The following MKLN1 variants were observed in gnomAD, a reference collection of about 807,000 sequenced individuals.
The protein encoded by MKLN1 is muskelin 1, also known as muskelin.
A neutral mutation model predicts 99.0 loss-of-function variants in MKLN1; 18 were observed. The ratio of observed to expected loss-of-function variants is 0.18; its 90% CI spans 0.13 to 0.27. The LOEUF is 0.27. Among genes scored for constraint, MKLN1 ranks in the 10% least tolerant of loss-of-function variants. The probability of loss-of-function intolerance (pLI) is 1.00; values close to 1 mark genes in which losing one functional copy is unlikely to be tolerated. For missense variants in MKLN1, 621 were observed against 875.9 expected (o/e 0.71, Z 3.67); for synonymous variants, 288 against 293.2 (o/e 0.98, Z 0.18).
At chr7:131,193,280 ATTAT>A (rs1308130744) in intron 2 of MKLN1, among the ~76,000 whole-genome samples, 1 of 152,190 alleles carries the variant, frequency 6.6e-6, no homozygotes, top group Non-Finnish European at 1.5e-5. Context: ...TTGTTGAGCA[ATTAT>A]TTATCTAGGA....
intron 3 of MKLN1, among the ~76,000 whole-genome samples, chr7:131,300,134 G>A (rs1433914172): frequency 6.6e-6 from 1 of 152,040 alleles, no homozygotes; most frequent in Non-Finnish European, 1.5e-5. Flanking sequence ...GAGAAGAGAG[G>A]TGTGTAATTG....
At chr7:131,251,481 G>A (rs1348140962) in intron 3 of MKLN1, among the ~76,000 whole-genome samples, 1 of 152,076 alleles carries the variant, frequency 6.6e-6, no homozygotes, top group Non-Finnish European at 1.5e-5. Flanking sequence ...TTTAACCATT[G>A]TAATGACTGT....
At chr7:131,168,166 C>T (rs1337180099) in intron 2 of MKLN1, among the ~76,000 whole-genome samples, 1 of 152,210 alleles carries the variant, frequency 6.6e-6, no homozygotes, top group African/African-American at 2.4e-5. Context: ...TAACTCACCA[C>T]CATCTAGATG....
At chr7:131,481,323 A>G (rs1015863944) in intron 17 of MKLN1, among the ~76,000 whole-genome samples, 1 of 152,228 alleles carries the variant, frequency 6.6e-6, no homozygotes, top group Non-Finnish European at 1.5e-5. Context: ...TGAGAGAATT[A>G]AATGAAATAA....
intron 3 of MKLN1, among the ~76,000 whole-genome samples, chr7:131,274,687 T>G (rs1797934829): frequency 6.7e-6 from 1 of 148,166 alleles, no homozygotes; most frequent in Admixed American, 6.8e-5. Flanking sequence ...GATTGCTGCC[T>G]CAGTCCCTGA....
intron 1 of MKLN1, among the ~76,000 whole-genome samples, chr7:131,113,289 T>C (rs1795224400): frequency 6.6e-6 from 1 of 152,148 alleles, no homozygotes; most frequent in Admixed American, 6.6e-5. Flanking sequence ...AAGTACTATG[T>C]GTAAAGACCT....
chr7:131,219,666 C>T (rs551698455), intron 3 of MKLN1, among the ~76,000 whole-genome samples: 8 of 151,928 alleles, frequency 5.3e-5, no homozygotes, highest in Non-Finnish European at 1.0e-4. Flanking sequence ...AAATGGCTGT[C>T]GGGCCCTGGG....
At chr7:131,346,147 G>A (rs1405083123) in intron 1 of MKLN1, among the ~76,000 whole-genome samples, 1 of 152,254 alleles carries the variant, frequency 6.6e-6, no homozygotes, top group East Asian at 1.9e-4. Flanking sequence ...ATAAGAAGAG[G>A]CTGTTCACTT....
At chr7:131,419,747 G>C (rs541235948) in intron 8 of MKLN1, among the ~76,000 whole-genome samples, 17 of 152,220 alleles carry the variant, frequency 1.1e-4, no homozygotes, top group African/African-American at 4.1e-4. Flanking sequence ...AGAGGTATGT[G>C]AGAAAGAGAG....
chr7:131,437,830 C>A lies in MKLN1; in HGVS notation c.1006C>A (p.Gln336Lys), dbSNP rs1795718605. The A allele has an allele frequency of 2.5e-6, 4 of 1,612,202 alleles. No homozygotes were observed. The highest frequency in any genetic ancestry group is 3.4e-6 in the Non-Finnish European group (4 of 1,179,460). Residue 336 changes from glutamine (Q) to lysine (K), a missense_variant, in exon 10 of 18, where the codon CAA becomes AAA. Gln to Lys is a moderately conservative substitution (Grantham distance 53). Around this residue, in one of 8 missense-constraint regions of MKLN1, gnomAD observed 361 missense variants for 540.8 expected, o/e 0.67. Transcript: ENST00000352689. ...GTGTCATAAAATGTGCATTGATATT[C>A]AACGGAGGCAAATCTACACATTGGG... ...RSCHKMCIDI[Q>K]RRQIYTLGRY...
intron 3 of MKLN1, among the ~76,000 whole-genome samples, chr7:131,275,908 C>T (rs986207456): frequency 6.6e-6 from 1 of 152,102 alleles, no homozygotes; most frequent in African/African-American, 2.4e-5. Flanking sequence ...AGCGTTTGAC[C>T]AAGGCAGGCC....
chr7:131,487,455 G>A lies in MKLN1; in HGVS notation c.2087-152G>A. The A allele has an allele frequency of 1.4e-6, 1 of 725,134 alleles. No homozygotes were observed. The highest frequency in any genetic ancestry group is 2.1e-6 in the Non-Finnish European group (1 of 467,060). The allele number at this position is 725,134 out of a possible 1,614,324, so 44.9% of individuals were successfully genotyped here. On this transcript the variant is annotated intron_variant, in intron 17 of 17. Transcript: ENST00000352689. This position sits in a 1 kb window ranked among gnomAD's most constrained non-coding sequence, Gnocchi z 4.7. ...TTATCTAAGATCACACCACAGCCAG[G>A]TAGTAGAACTGGGGTCAGATCAGTA... is the stretch of plus-strand genomic sequence containing the variant.
At chr7:131,200,413 A>T (rs1046304917) in intron 2 of MKLN1, among the ~76,000 whole-genome samples, 20 of 152,228 alleles carry the variant, frequency 1.3e-4, no homozygotes, top group Non-Finnish European at 2.8e-4. Context: ...AATCAAGAAC[A>T]TTACCTGTGT....
rs1014952862 is a variant in MKLN1, at chr7:131,240,230, C to G, written c.-179+37256C>G. ...GACTATTATAAGTAAAGTTCCCCCC[C>G]GCCAGGGACCTGCCACTTCAGAATA... On this transcript the variant is annotated intron_variant, in intron 3 of 7. Transcript: ENST00000416992. 2.6e-5 allele frequency among the ~76,000 whole-genome samples: 4 copies of G among 152,014 alleles called. No individual in the cohort carries two copies. In the South Asian group the frequency reaches 8.3e-4, roughly 32 times the overall value.
At chr7:131,409,655 A>G (rs1794813820) in intron 6 of MKLN1, among the ~76,000 whole-genome samples, 1 of 152,210 alleles carries the variant, frequency 6.6e-6, no homozygotes, top group South Asian at 2.1e-4. Flanking sequence ...TGAATATATA[A>G]ATCGCAGAAA....
intron 2 of MKLN1, among the ~76,000 whole-genome samples, chr7:131,175,322 T>TGGA (rs1796282981): frequency 6.6e-6 from 1 of 152,174 alleles, no homozygotes; most frequent in Non-Finnish European, 1.5e-5. Context: ...TATGAAAAGA[T>TGGA]GGAGCTTCTG....
chr7:131,144,731 A>G (rs1795792368), intron 2 of MKLN1, among the ~76,000 whole-genome samples: 1 of 151,860 alleles, frequency 6.6e-6, no homozygotes, highest in African/African-American at 2.4e-5. Context: ...TAATCTCAGC[A>G]CTTTGAGAGG....
intron 6 of MKLN1, 71 bp from the exon 7 acceptor site, chr7:131,411,235 T>A (rs1247167623): frequency 1.1e-6 from 1 of 916,134 alleles, no homozygotes; most frequent in East Asian, 2.7e-5. Context: ...CTTTTAAATT[T>A]TAATTTTTTT....
chr7:131,247,235 C>CTTTTTTTTTTTTTTTTTTTTTTTTTT (rs72068521), intron 3 of MKLN1, among the ~76,000 whole-genome samples: 2 of 141,150 alleles, frequency 1.4e-5, no homozygotes, highest in Admixed American at 6.9e-5. Context: ...TTTCTTTTTT[C>CTTTTTTTTTTTTTTTTTTTTTTTTTT]TTTTTTTTTT....
Sources: allele counts gnomAD v4.1 joint callset (sites outside exome capture counted in the v4.1 genomes callset), GRCh38; gene constraint gnomAD v4.1.1; regional missense constraint gnomAD v4.1.1; non-coding constraint Gnocchi (gnomAD v3.1); transcripts MANE v1.5; gene names NCBI Gene and HGNC (gene_info 2026-07-23, HGNC 2026-07-21).